SKAP2: variants seen among roughly 807,000 people sequenced by gnomAD.
SKAP2 encodes the protein src kinase-associated phosphoprotein 2.
In SKAP2, 28 loss-of-function variants were observed where a neutral mutation model predicts 54.9. The ratio of observed to expected loss-of-function variants is 0.51; its 90% CI spans 0.38 to 0.70. SKAP2 has a LOEUF of 0.70. Among genes scored for constraint, SKAP2 ranks in the 30% least tolerant of loss-of-function variants. The probability of loss-of-function intolerance (pLI) is 0.00; values close to 1 mark genes in which losing one functional copy is unlikely to be tolerated. For missense variants in SKAP2, 356 were observed against 424.1 expected (o/e 0.84, Z 1.41); for synonymous variants, 137 against 134.3 (o/e 1.02, Z -0.14).
In SKAP2 at chr7:26,844,131, G is replaced by A. The variant is rs368498535; in HGVS notation, c.206C>T (p.Ala69Val). 9.5e-6 allele frequency: 15 copies of A among 1,582,190 alleles called. No homozygotes were observed. Among genetic ancestry groups the A allele is most frequent in the Middle Eastern group, 3.3e-4 (2 of 6,000 alleles). The change falls in exon 4 of 13, where the codon GCA becomes GTA. Residue 69 changes from alanine to valine, a missense_variant. Physicochemically the swap from Ala to Val is moderately conservative, Grantham distance 64 (BLOSUM62 0). Coordinates refer to ENST00000345317, the MANE Select transcript of SKAP2 (RefSeq NM_003930.5). ...YLQEFQDKGDAEDGEEYDDPF... is the reference protein window; with the variant it reads ...YLQEFQDKGDVEDGEEYDDPF... ...GTCATCATATTCTTCCCCATCTTCT[G>A]CATCACCTGTTAAAAAAAAAAAAAA...
chr7:26,785,205 T>TTTTTTGTTTGTTTG (rs1783516445), intron 4 of SKAP2, among the ~76,000 whole-genome samples: 1 of 152,142 alleles, frequency 6.6e-6, no homozygotes, highest in African/African-American at 2.4e-5. Flanking sequence ...TTGTTTGTTT[T>TTTTTTGTTTGTTTG]TTTTTAAGAC....
intron 4 of SKAP2, among the ~76,000 whole-genome samples, chr7:26,754,947 C>T (rs1782758638): frequency 1.3e-5 from 2 of 152,276 alleles, no homozygotes; most frequent in Non-Finnish European, 1.5e-5. Flanking sequence ...CGCTAAAATT[C>T]CATATGAATA....
At position 26,684,856 on chromosome 7, in the gene SKAP2, GAAGA is replaced by G; in HGVS notation, c.875-12_875-9del. On this transcript the variant is annotated splice_polypyrimidine_tract_variant and intron_variant, in intron 10 of 12. Transcript: ENST00000345317. ...AATCAGTGCTCTTATCCCCTAGGAA[GAAGA>G]AAGAGAAAGCATGAATTAGGGCCTT... 9 of 1,540,074 alleles carry G rather than the reference GAAGA, an allele frequency of 5.8e-6. No individual in the cohort carries two copies. Among genetic ancestry groups the G allele is most frequent in the Non-Finnish European group, 8.1e-6 (9 of 1,116,288 alleles).
intron 4 of SKAP2, among the ~76,000 whole-genome samples, chr7:26,746,287 G>A (rs1157766952): frequency 6.6e-6 from 1 of 152,120 alleles, no homozygotes; most frequent in African/African-American, 2.4e-5. Flanking sequence ...CTTTATAATT[G>A]CACACATAAA....
At chr7:26,678,708 T>C (rs1259954975) in intron 11 of SKAP2, among the ~76,000 whole-genome samples, 1 of 152,190 alleles carries the variant, frequency 6.6e-6, no homozygotes, top group Admixed American at 6.5e-5. Flanking sequence ...CCCAAAGTGC[T>C]GGGATTACAG....
Position 26,778,704 on chromosome 7 carries a change from CAT to C in SKAP2, c.308-38742_308-38741del, listed in dbSNP as rs140751187. 0.012 allele frequency among the ~76,000 whole-genome samples: 1,813 copies of C among 151,888 alleles called. 81 individuals carry two copies. In the East Asian group the frequency reaches 0.13, roughly 11 times the overall value. Reference sequence around the variant, plus strand: ...AAAGCAGGTAACACCTTACATCAAACATATATGTTTCTTCTGTGTCTAAAAGA... The same window carrying C: ...AAAGCAGGTAACACCTTACATCAAACATATGTTTCTTCTGTGTCTAAAAGA... On this transcript the variant is annotated intron_variant, in intron 4 of 12. Coordinates refer to ENST00000345317, the MANE Select transcript of SKAP2 (RefSeq NM_003930.5).
At chr7:26,699,172 C>T (rs1332823983) in intron 9 of SKAP2, among the ~76,000 whole-genome samples, 1 of 152,180 alleles carries the variant, frequency 6.6e-6, no homozygotes, top group Admixed American at 6.5e-5. Flanking sequence ...CAGCTTTTAA[C>T]TACTACTTGT....
rs1020560644 is a variant in SKAP2, at chr7:26,775,234, T to A, written c.308-35270A>T. 3.3e-4 allele frequency among the ~76,000 whole-genome samples: 50 copies of A among 152,134 alleles called. 1 individual carries two copies. Among genetic ancestry groups the A allele is most frequent in the African/African-American group, 1.2e-3 (48 of 41,438 alleles). On this transcript the variant is annotated intron_variant, in intron 4 of 12. Transcript: ENST00000345317. ...ATCTCAATCTCTCCTTCTCCAGTGC[T>A]GCCTCCTCCACAACATAAAAACATG...
chr7:26,672,530 T>A (rs559611485), intron 11 of SKAP2, among the ~76,000 whole-genome samples: 1 of 151,980 alleles, frequency 6.6e-6, no homozygotes, highest in Non-Finnish European at 1.5e-5. Context: ...TTGAAAAACA[T>A]AGGAAACATA....
At position 26,668,165 on chromosome 7, in the gene SKAP2, T is replaced by C. The variant is rs1408154793; in HGVS notation, c.*1501A>G. On this transcript the variant is annotated 3_prime_UTR_variant, in exon 13 of 13. Transcript: ENST00000345317. ...CAGTTTTACACAAATAATGGAGATT[T>C]TAAAATATTACCAGCTCAGATACAT... The C allele has an allele frequency of 6.6e-6, 1 of 152,144 alleles. No homozygotes were observed. Among genetic ancestry groups the C allele is most frequent in the Non-Finnish European group, 1.5e-5 (1 of 68,022 alleles). 9.4% of individuals were successfully genotyped at this position (152,144 alleles called of 1,614,324 possible). A position where few individuals can be genotyped will look rare whatever the true frequency, so the allele number is the denominator to read the frequency against.
At position 26,802,778 on chromosome 7, in the gene SKAP2, G is replaced by A. The variant is rs536132474; in HGVS notation, c.307+41252C>T. Among the ~76,000 whole-genome samples, 17 of 152,178 alleles carry A rather than the reference G, an allele frequency of 1.1e-4. No homozygotes were observed. The South Asian group carries it at 3.3e-3, about 30-fold the overall frequency. On this transcript the variant is annotated intron_variant, in intron 4 of 12. Transcript: ENST00000345317. Reference sequence around the variant, plus strand: ...TGCCTGTAGTCCCAGCTACTCGGGAGGGTGAGGCAGGAGAATCGCTTGAAC... The same window carrying A: ...TGCCTGTAGTCCCAGCTACTCGGGAAGGTGAGGCAGGAGAATCGCTTGAAC...
chr7:26,799,975 T>A lies in SKAP2; in HGVS notation c.307+44055A>T, dbSNP rs532492050. Among the ~76,000 whole-genome samples the A allele has an allele frequency of 8.2e-5, 12 of 146,646 alleles. No individual in the cohort carries two copies. In the East Asian group the frequency reaches 1.6e-3, roughly 19 times the overall value. ...CTACTAAAAATACAAAAAAAAAAAA[T>A]TAGCCATTTGTGGTGGGGGGTGTCT... On this transcript the variant is annotated intron_variant, in intron 4 of 12. Transcript: ENST00000345317.
At chr7:26,812,262 G>A (rs548424007) in intron 4 of SKAP2, among the ~76,000 whole-genome samples, 108 of 152,232 alleles carry the variant, frequency 7.1e-4, no homozygotes, top group African/African-American at 2.6e-3. Flanking sequence ...TATGCATACT[G>A]ATATATCCTA....
At chr7:26,801,061 A>AAT (rs1783902738) in intron 4 of SKAP2, among the ~76,000 whole-genome samples, 1 of 152,190 alleles carries the variant, frequency 6.6e-6, no homozygotes, top group Non-Finnish European at 1.5e-5. Flanking sequence ...AAGAAAAAAA[A>AAT]ATATAGGCCA....
At chr7:26,861,576 T>C (rs924374636) in intron 1 of SKAP2, among the ~76,000 whole-genome samples, 1 of 151,206 alleles carries the variant, frequency 6.6e-6, no homozygotes, top group Admixed American at 6.6e-5. Flanking sequence ...TTTTCAATGG[T>C]ATCTTTACAC....
chr7:26,679,786 T>C (rs1786446349), intron 11 of SKAP2, among the ~76,000 whole-genome samples: 1 of 152,218 alleles, frequency 6.6e-6, no homozygotes, highest in African/African-American at 2.4e-5. Flanking sequence ...AAAAAAGCCA[T>C]AGTAACTTAA....
At chr7:26,740,037 A>G in intron 4 of SKAP2, 73 bp from the exon 5 acceptor site, 1 of 893,462 alleles carries the variant, frequency 1.1e-6, no homozygotes, top group Non-Finnish European at 1.8e-6. Flanking sequence ...GCCAGATCTC[A>G]TTAGATTCAG....
At chr7:26,700,214 A>G (rs540269950) in intron 9 of SKAP2, among the ~76,000 whole-genome samples, 3 of 152,198 alleles carry the variant, frequency 2.0e-5, no homozygotes, top group Non-Finnish European at 2.9e-5. Flanking sequence ...GGTGGTCTCT[A>G]TATCTATAAA....
At position 26,669,306 on chromosome 7, in the gene SKAP2, T is replaced by A. The variant is rs1014579682; in HGVS notation, c.*360A>T. 1 of 152,104 alleles carries A rather than the reference T, an allele frequency of 6.6e-6. No homozygotes were observed. Among genetic ancestry groups the A allele is most frequent in the Non-Finnish European group, 1.5e-5 (1 of 68,014 alleles). The allele number at this position is 152,104 out of a possible 1,614,324, so 9.4% of individuals were successfully genotyped here. On this transcript the variant is annotated 3_prime_UTR_variant, in exon 13 of 13. Coordinates refer to ENST00000345317, the MANE Select transcript of SKAP2 (RefSeq NM_003930.5). ...ATTGATGTCCAATGATTAAGAAACA[T>A]TACAAATCACACCAGAAGTAGCAAT...
Sources: allele counts gnomAD v4.1 joint callset (sites outside exome capture counted in the v4.1 genomes callset), GRCh38; gene constraint gnomAD v4.1.1; transcripts MANE v1.5; gene names NCBI Gene and HGNC (gene_info 2026-07-23, HGNC 2026-07-21).